CSMD1: variants seen among roughly 807,000 people sequenced by gnomAD.
The protein encoded by CSMD1 is CUB and sushi domain-containing protein 1.
A neutral mutation model predicts 417.5 loss-of-function variants in CSMD1; 213 were observed. That is an observed-to-expected ratio of 0.51 (90% confidence interval 0.46 to 0.57). CSMD1 has a LOEUF of 0.57. CSMD1 is among the 20% of genes least tolerant of loss of function. CSMD1 has a pLI of 0.00. For synonymous variants in CSMD1, 2,862 were observed against 1,736.8 expected, an observed-to-expected ratio of 1.65 and a Z score of -16.11; for missense variants, 6,923 against 4,529.7, an observed-to-expected ratio of 1.53 and a Z score of -15.17.
At chr8:4,607,275 G>C (rs965226286) in intron 2 of CSMD1, among the ~76,000 whole-genome samples, 3 of 142,708 alleles carry the variant, frequency 2.1e-5, no homozygotes, top group African/African-American at 8.1e-5. Context: ...AGAAAATATG[G>C]AAAAAATAAA....
intron 1 of CSMD1, among the ~76,000 whole-genome samples, chr8:4,950,763 G>A (rs1808687585): frequency 6.6e-6 from 1 of 152,038 alleles, no homozygotes; most frequent in African/African-American, 2.4e-5. Context: ...ATTTATAAGT[G>A]GCAGCACGCT....
rs1033048279 is a variant in CSMD1 at position 4,178,593 on chromosome 8, G to T, written c.416-146494C>A. Among the ~76,000 whole-genome samples, 3 of 151,546 alleles carry T rather than the reference G, an allele frequency of 2.0e-5. No homozygotes were observed. The South Asian group carries it at 6.3e-4, about 32-fold the overall frequency. ...AAGTTCTGGCCAGGGCAATTAGGCA[G>T]GAGAAGGAAATAAAGGGTATTCAAT... On this transcript the variant is annotated intron_variant, in intron 3 of 69. Coordinates refer to ENST00000635120, the MANE Select transcript of CSMD1 (RefSeq NM_033225.6).
intron 7 of CSMD1, among the ~76,000 whole-genome samples, chr8:3,705,351 C>G (rs1473316022): frequency 6.6e-6 from 1 of 152,192 alleles, no homozygotes; most frequent in Non-Finnish European, 1.5e-5. Context: ...GCTCAGCCTT[C>G]CATCCATACC....
intron 1 of CSMD1, among the ~76,000 whole-genome samples, chr8:4,783,264 A>C (rs1288717946): frequency 6.6e-6 from 1 of 152,214 alleles, no homozygotes; most frequent in Non-Finnish European, 1.5e-5. Flanking sequence ...ACAGGAAATC[A>C]AGATGGTGAA....
intron 9 of CSMD1, among the ~76,000 whole-genome samples, chr8:3,579,571 C>G (rs774684597): frequency 2.6e-5 from 4 of 152,062 alleles, no homozygotes; most frequent in African/African-American, 4.8e-5. Context: ...TTATCAAGCA[C>G]AAATTTTACG....
Position 4,806,912 on chromosome 8 carries a change from C to T in CSMD1, c.86-169354G>A, listed in dbSNP as rs543949835. Reference sequence around the variant, plus strand: ...TTCCTAGGAGTTGAATGAGCAAGTACAGATGCATGCCTGCGCTCTTAAGCT... The same window carrying T: ...TTCCTAGGAGTTGAATGAGCAAGTATAGATGCATGCCTGCGCTCTTAAGCT... On this transcript the variant is annotated intron_variant, in intron 1 of 69. Transcript: ENST00000635120. Among the ~76,000 whole-genome samples, 10 of 152,312 alleles carry T rather than the reference C, an allele frequency of 6.6e-5. No homozygotes were observed. In the South Asian group the frequency reaches 2.1e-3, roughly 32 times the overall value.
intron 2 of CSMD1, among the ~76,000 whole-genome samples, chr8:4,514,469 G>A (rs1410904008): frequency 6.6e-6 from 1 of 152,122 alleles, no homozygotes; most frequent in Non-Finnish European, 1.5e-5. Flanking sequence ...GTAGCATCCT[G>A]ATGATTCTCC....
At position 3,150,888 on chromosome 8, in the gene CSMD1, C is replaced by G. The variant is rs181613627; in HGVS notation, c.6031+509G>C. 1.4e-4 allele frequency among the ~76,000 whole-genome samples: 22 copies of G among 151,872 alleles called. No homozygotes were observed. In the East Asian group the frequency reaches 4.1e-3, roughly 28 times the overall value. On this transcript the variant is annotated intron_variant, in intron 40 of 69. Coordinates refer to ENST00000635120, the MANE Select transcript of CSMD1 (RefSeq NM_033225.6). ...TTATGAATTATTTAAGGTGAATAACCTAAAATGTTAATAACTAGATATTAA... is the reference window on the plus strand; with the variant it reads ...TTATGAATTATTTAAGGTGAATAACGTAAAATGTTAATAACTAGATATTAA...
chr8:4,474,480 A>G (rs1013485228), intron 2 of CSMD1, among the ~76,000 whole-genome samples: 31 of 152,230 alleles, frequency 2.0e-4, no homozygotes, highest in African/African-American at 7.5e-4. Context: ...GGAAAATCAA[A>G]GTTGCTAAGG....
chr8:4,720,234 T>A (rs1266695713), intron 1 of CSMD1, among the ~76,000 whole-genome samples: 1 of 151,720 alleles, frequency 6.6e-6, no homozygotes, highest in East Asian at 1.9e-4. Context: ...TAATAATATA[T>A]AAAGGGAATG....
At chr8:4,582,395 A>T (rs1799465115) in intron 2 of CSMD1, among the ~76,000 whole-genome samples, 1 of 152,234 alleles carries the variant, frequency 6.6e-6, no homozygotes, top group South Asian at 2.1e-4. Flanking sequence ...AGGAGAGATT[A>T]TCAGGGCTGC....
At chr8:4,454,479 T>C (rs1299388002) in intron 2 of CSMD1, among the ~76,000 whole-genome samples, 6 of 152,230 alleles carry the variant, frequency 3.9e-5, no homozygotes, top group Admixed American at 3.9e-4. Flanking sequence ...TCAAGTATTT[T>C]GTTCCCCTAG....
At chr8:3,639,457 C>T (rs74788922) in intron 7 of CSMD1, among the ~76,000 whole-genome samples, 1,523 of 152,218 alleles carry the variant, frequency 0.01, 21 homozygotes, top group African/African-American at 0.035. Flanking sequence ...CAGTCTATGA[C>T]CTGAATTGTC....
At position 3,179,873 on chromosome 8, in the gene CSMD1, A is replaced by G. The variant is rs188532578; in HGVS notation, c.5725+1237T>C. On this transcript the variant is annotated intron_variant, in intron 37 of 69. Coordinates refer to ENST00000635120, the MANE Select transcript of CSMD1 (RefSeq NM_033225.6). ...TAGTCCTCTTCATATAAATTGAAAT[A>G]AACTTGCAGACAAATGCCCATAATA... Among the ~76,000 whole-genome samples the G allele has an allele frequency of 2.5e-3, 378 of 152,340 alleles. 2 individuals carry two copies. The highest frequency in any genetic ancestry group is 8.8e-3 in the African/African-American group (367 of 41,568).
chr8:4,805,370 T>A (rs997614682), intron 1 of CSMD1, among the ~76,000 whole-genome samples: 3 of 152,218 alleles, frequency 2.0e-5, no homozygotes. Flanking sequence ...CGTGGTCTTA[T>A]TCTCATGGTG....
chr8:4,043,938 C>A (rs550377510), intron 3 of CSMD1, among the ~76,000 whole-genome samples: 1 of 152,062 alleles, frequency 6.6e-6, no homozygotes, highest in African/African-American at 2.4e-5. Flanking sequence ...TTCCACCACA[C>A]CATATTGTCC....
intron 1 of CSMD1, among the ~76,000 whole-genome samples, chr8:4,951,532 A>T (rs941322938): frequency 2.0e-5 from 3 of 150,986 alleles, no homozygotes; most frequent in African/African-American, 7.3e-5. Flanking sequence ...GGAGAAAGAG[A>T]AAAGAAAAGA....
At chr8:3,419,048 T>C (rs1813326704) in intron 12 of CSMD1, among the ~76,000 whole-genome samples, 1 of 152,238 alleles carries the variant, frequency 6.6e-6, no homozygotes, top group South Asian at 2.1e-4. Flanking sequence ...AAATAGTTAA[T>C]GCTCTGCTGT....
intron 11 of CSMD1, among the ~76,000 whole-genome samples, chr8:3,482,233 G>C (rs1288977273): frequency 6.6e-6 from 1 of 152,042 alleles, no homozygotes; most frequent in Non-Finnish European, 1.5e-5. Context: ...AAATATCAGA[G>C]AGAGGCAGAA....
Sources: allele counts gnomAD v4.1 joint callset (sites outside exome capture counted in the v4.1 genomes callset), GRCh38; gene constraint gnomAD v4.1.1; transcripts MANE v1.5; gene names NCBI Gene and HGNC (gene_info 2026-07-23, HGNC 2026-07-21).